The following CSNK1G3 variants were observed in gnomAD, a reference collection of about 807,000 sequenced individuals.
The protein encoded by CSNK1G3 is casein kinase I isoform gamma-3.
Under a neutral mutation model 64.3 loss-of-function variants are expected in CSNK1G3, and 23 were observed. The ratio of observed to expected loss-of-function variants is 0.36; its 90% CI spans 0.26 to 0.51. CSNK1G3 has a LOEUF of 0.51. Ranked by LOEUF, CSNK1G3 falls within the 20% of genes least tolerant of loss-of-function variation. CSNK1G3 has a pLI of 0.96. For synonymous variants in CSNK1G3, 158 were observed against 162.2 expected, an observed-to-expected ratio of 0.97 and a Z score of 0.20; for missense variants, 357 against 510.5, an observed-to-expected ratio of 0.70 and a Z score of 2.90.
intron 6 of CSNK1G3, among the ~76,000 whole-genome samples, chr5:123,583,964 A>T (rs1432858339): frequency 6.6e-6 from 1 of 152,110 alleles, no homozygotes; most frequent in Non-Finnish European, 1.5e-5. Flanking sequence ...AAGTGCTGAG[A>T]TTACAGGTGT....
intron 1 of CSNK1G3, among the ~76,000 whole-genome samples, chr5:123,537,929 G>A (rs769210307): frequency 2.0e-5 from 3 of 152,114 alleles, no homozygotes; most frequent in Non-Finnish European, 2.9e-5. Context: ...CTAGAATCAT[G>A]TAATAGGTAA....
intron 3 of CSNK1G3, among the ~76,000 whole-genome samples, chr5:123,556,054 G>A (rs1784566069): frequency 6.6e-6 from 1 of 152,060 alleles, no homozygotes; most frequent in South Asian, 2.1e-4. Flanking sequence ...AAGTCACACA[G>A]CTAGAAATAG....
intron 10 of CSNK1G3, among the ~76,000 whole-genome samples, chr5:123,600,660 C>T (rs1794316137): frequency 6.6e-6 from 1 of 150,878 alleles, no homozygotes; most frequent in South Asian, 2.1e-4. Context: ...ATTAGGAAGA[C>T]AGTAGTATAA....
intron 4 of CSNK1G3, among the ~76,000 whole-genome samples, chr5:123,569,801 G>GCGGATGTTC (rs1554075914): frequency 1.3e-5 from 2 of 151,264 alleles, no homozygotes; most frequent in African/African-American, 4.9e-5. Flanking sequence ...AAAGTTAAAA[G>GCGGATGTTC]TTCTCTTGCT....
chr5:123,539,160 C>A, intron 1 of CSNK1G3, among the ~76,000 whole-genome samples: 1 of 152,172 alleles, frequency 6.6e-6, no homozygotes, highest in East Asian at 1.9e-4. Flanking sequence ...CAAACGTAAT[C>A]TCTTGTCTGT....
At chr5:123,593,521 C>T (rs1281767318) in intron 10 of CSNK1G3, among the ~76,000 whole-genome samples, 1 of 151,820 alleles carries the variant, frequency 6.6e-6, no homozygotes, top group Non-Finnish European at 1.5e-5. Context: ...CAGGAGAGGG[C>T]GTGTAGCTCT....
intron 7 of CSNK1G3, 73 bp downstream of exon 7, chr5:123,588,226 C>T (rs1791682491): frequency 8.2e-7 from 1 of 1,224,412 alleles, no homozygotes; most frequent in Non-Finnish European, 1.2e-6. Flanking sequence ...TCCAACTAAA[C>T]AGTTTTCATA....
At chr5:123,610,049 A>C (rs1796047984) in intron 12 of CSNK1G3, among the ~76,000 whole-genome samples, 1 of 152,110 alleles carries the variant, frequency 6.6e-6, no homozygotes. Flanking sequence ...AAAATGGGAA[A>C]ATTTTGAAAG....
chr5:123,609,394 T>G (rs1388665729), intron 12 of CSNK1G3, among the ~76,000 whole-genome samples: 1 of 152,140 alleles, frequency 6.6e-6, no homozygotes, highest in Non-Finnish European at 1.5e-5. Context: ...TAATTTCTAT[T>G]TTGGGTTAGT....
chr5:123,600,177 T>G (rs909694821), intron 10 of CSNK1G3, among the ~76,000 whole-genome samples: 16 of 152,330 alleles, frequency 1.1e-4, no homozygotes, highest in African/African-American at 3.8e-4. Flanking sequence ...TATAGATGCC[T>G]TTTTAAAAAG....
chr5:123,582,783 G>A (rs911438325), intron 6 of CSNK1G3, among the ~76,000 whole-genome samples: 4 of 152,080 alleles, frequency 2.6e-5, no homozygotes, highest in Non-Finnish European at 5.9e-5. Context: ...TCATGTAAAA[G>A]AACTGTTAAA....
intron 10 of CSNK1G3, among the ~76,000 whole-genome samples, chr5:123,592,025 G>GTTATTA (rs1034469251): frequency 2.0e-5 from 3 of 151,912 alleles, no homozygotes; most frequent in Non-Finnish European, 4.4e-5. Context: ...TGCTGTTACT[G>GTTATTA]TTATTATTAT....
At chr5:123,539,712 C>A (rs913458804) in intron 1 of CSNK1G3, among the ~76,000 whole-genome samples, 3 of 152,172 alleles carry the variant, frequency 2.0e-5, no homozygotes, top group Middle Eastern at 3.4e-3. Context: ...TTGATTATTC[C>A]TGTGTCCTGA....
At chr5:123,566,247 G>A (rs1366293280) in intron 4 of CSNK1G3, among the ~76,000 whole-genome samples, 7 of 152,090 alleles carry the variant, frequency 4.6e-5, no homozygotes, top group Admixed American at 3.3e-4. Context: ...GAATTTTGGG[G>A]GAGTGAGGGT....
chr5:123,532,107 ATAG>A (rs988959010), intron 1 of CSNK1G3, among the ~76,000 whole-genome samples: 1 of 151,782 alleles, frequency 6.6e-6, no homozygotes, highest in Non-Finnish European at 1.5e-5. Flanking sequence ...AACTGGTGTA[ATAG>A]TAAGGTATTT....
chr5:123,608,296 T>G (rs754045430), intron 12 of CSNK1G3, among the ~76,000 whole-genome samples: 2 of 152,188 alleles, frequency 1.3e-5, no homozygotes, highest in African/African-American at 4.8e-5. Flanking sequence ...TTCCTGAGAA[T>G]AGTATCTCAT....
intron 6 of CSNK1G3, among the ~76,000 whole-genome samples, chr5:123,585,491 A>G (rs529862947): frequency 1.3e-5 from 2 of 152,284 alleles, no homozygotes; most frequent in South Asian, 4.1e-4. Context: ...CAAAATGTAA[A>G]ATTTCTTTTA....
At chr5:123,613,379 G>C (rs1201667492) in intron 12 of CSNK1G3, among the ~76,000 whole-genome samples, 1 of 151,694 alleles carries the variant, frequency 6.6e-6, no homozygotes, top group Non-Finnish European at 1.5e-5. Context: ...CAAGGAGATG[G>C]GGTAACAGGC....
At chr5:123,605,845 T>C (rs1170888584) in intron 12 of CSNK1G3, among the ~76,000 whole-genome samples, 2 of 152,132 alleles carry the variant, frequency 1.3e-5, no homozygotes, top group Non-Finnish European at 2.9e-5. Flanking sequence ...GATAACCTTG[T>C]AGTGAGAAAG....
Sources: gnomAD v4.1 joint callset for allele counts (sites outside exome capture counted in the v4.1 genomes callset) on GRCh38, gnomAD v4.1.1 for gene constraint, MANE v1.5 for transcripts, NCBI Gene and HGNC (gene_info 2026-07-23, HGNC 2026-07-21) for gene names.